Variants in GNA12 observed in about 807,000 individuals in gnomAD.
The protein encoded by GNA12 is guanine nucleotide-binding protein subunit alpha-12.
GNA12 carries 9 observed loss-of-function variants against 26.0 expected under a neutral mutation model. The observed-to-expected ratio is 0.35, with a 90% CI of 0.21 to 0.60. The LOEUF is 0.60. GNA12 is among the 20% of genes least tolerant of loss of function. The pLI is 0.78. For missense variants in GNA12, 405 were observed against 525.8 expected (o/e 0.77, Z 2.25); for synonymous variants, 264 against 219.6 (o/e 1.20, Z -1.79).
intron 1 of GNA12, among the ~76,000 whole-genome samples, chr7:2,807,919 G>C (rs950254773): frequency 6.6e-6 from 1 of 152,172 alleles, no homozygotes. Flanking sequence ...AAACCTGTTC[G>C]CGCAGAAACC....
At chr7:2,797,422 G>T (rs146369353) in intron 1 of GNA12, among the ~76,000 whole-genome samples, 173 of 151,974 alleles carry the variant, frequency 1.1e-3, no homozygotes, top group African/African-American at 4.1e-3. Flanking sequence ...AGGAATTACA[G>T]GTGTGAGCCA....
chr7:2,732,210 C>T (rs969742021), intron 3 of GNA12, among the ~76,000 whole-genome samples: 4 of 152,120 alleles, frequency 2.6e-5, no homozygotes, highest in Non-Finnish European at 5.9e-5. Flanking sequence ...AAGTCTTTAG[C>T]GACACACAGG....
chr7:2,807,748 A>G (rs1792983331), intron 1 of GNA12, among the ~76,000 whole-genome samples: 1 of 152,188 alleles, frequency 6.6e-6, no homozygotes. Flanking sequence ...CAGAAAATAA[A>G]CTCAATGGTA....
chr7:2,733,345 C>T (rs371683008), intron 3 of GNA12, 106 bp downstream of exon 3: 63 of 856,980 alleles, frequency 7.4e-5, no homozygotes, highest in East Asian at 6.8e-4. Context: ...AGAACAAGCT[C>T]GGCCTGTCAG....
intron 2 of GNA12, among the ~76,000 whole-genome samples, chr7:2,783,770 C>T (rs1792293362): frequency 6.6e-6 from 1 of 151,924 alleles, no homozygotes; most frequent in East Asian, 1.9e-4. Context: ...CTGCAACCTG[C>T]GCCTCCTGGA....
rs189288265 is a variant in GNA12 at position 2,774,875 on chromosome 7, T to G, written c.525+20053A>C. Reference sequence around the variant, plus strand: ...AGCCACCTTCTTACCTGGGGTTGGGTTGACTCATGCACAGTGGTTGGCACA... The same window carrying G: ...AGCCACCTTCTTACCTGGGGTTGGGGTGACTCATGCACAGTGGTTGGCACA... On this transcript the variant is annotated intron_variant, in intron 2 of 3. Coordinates refer to ENST00000275364, the MANE Select transcript of GNA12 (RefSeq NM_007353.3). 9.9e-5 allele frequency among the ~76,000 whole-genome samples: 15 copies of G among 152,254 alleles called. No homozygotes were observed. The East Asian group carries it at 1.4e-3, about 14-fold the overall frequency.
chr7:2,791,440 G>A (rs530123428), intron 2 of GNA12, among the ~76,000 whole-genome samples: 1 of 152,320 alleles, frequency 6.6e-6, no homozygotes, highest in Non-Finnish European at 1.5e-5. Context: ...CCTCTCAGAG[G>A]AGAAAGGGTC....
Position 2,731,011 on chromosome 7 carries a change from T to C in GNA12, c.*170A>G. On this transcript the variant is annotated 3_prime_UTR_variant, in exon 4 of 4. Coordinates refer to ENST00000275364, the MANE Select transcript of GNA12 (RefSeq NM_007353.3). The surrounding 1 kb of genome is among the most constrained non-coding windows in gnomAD (Gnocchi z 6.0). The stretch of plus-strand genomic sequence containing the variant: ...AGCTAACGTGACAGTTTCCATGTCC[T>C]TTTGCCTAGAGCTCGCTGGCTGGCT... 1 of 552,662 alleles carries C rather than the reference T, an allele frequency of 1.8e-6. No individual in the cohort carries two copies. 34.2% of individuals were successfully genotyped at this position (552,662 alleles called of 1,614,324 possible).
At chr7:2,831,649 C>T (rs1193916377) in intron 1 of GNA12, among the ~76,000 whole-genome samples, 7 of 151,870 alleles carry the variant, frequency 4.6e-5, no homozygotes, top group Admixed American at 2.0e-4. Flanking sequence ...GTGATCCGCC[C>T]GCCTCAGCCT....
intron 1 of GNA12, among the ~76,000 whole-genome samples, chr7:2,801,959 T>C (rs1043859291): frequency 2.0e-5 from 3 of 152,190 alleles, no homozygotes; most frequent in Non-Finnish European, 4.4e-5. Flanking sequence ...TTACCATTGT[T>C]ATATAGAATT....
intron 2 of GNA12, among the ~76,000 whole-genome samples, chr7:2,742,659 C>T (rs532912973): frequency 5.3e-5 from 8 of 152,290 alleles, no homozygotes; most frequent in South Asian, 2.1e-4. Context: ...TCCCTGTCCC[C>T]GCAAACACCT....
At chr7:2,794,877 C>A in intron 2 of GNA12, 51 bp downstream of exon 2, 1 of 1,279,942 alleles carries the variant, frequency 7.8e-7, no homozygotes, top group South Asian at 1.2e-5. Flanking sequence ...CCAAAATAGT[C>A]ATGTAAAAAA....
At position 2,812,634 on chromosome 7, in the gene GNA12, A is replaced by G. The variant is rs1014649671; in HGVS notation, c.310-17491T>C. 4.0e-5 allele frequency among the ~76,000 whole-genome samples: 6 copies of G among 149,282 alleles called. No individual in the cohort carries two copies. The South Asian group carries it at 1.3e-3, about 32-fold the overall frequency. On this transcript the variant is annotated intron_variant, in intron 1 of 3. Transcript: ENST00000275364. ...ACAAGAGTGAAACTCCATCTCAAAA[A>G]TAACATCACATCACATCACATCACA...
chr7:2,763,191 AACACACACACACACACACACACAC>A (rs56384682), intron 2 of GNA12: 5 of 222,644 alleles, frequency 2.2e-5, no homozygotes, highest in Non-Finnish European at 3.8e-5. Context: ...AAGACACCCC[AACACACACACACACACACACACAC>A]ACACACACAC....
At position 2,834,537 on chromosome 7, in the gene GNA12, G is replaced by A. The variant is rs560280730; in HGVS notation, c.309+9316C>T. 1.2e-4 allele frequency among the ~76,000 whole-genome samples: 19 copies of A among 152,352 alleles called. No homozygotes were observed. The South Asian group carries it at 3.7e-3, about 30-fold the overall frequency. ...TCAGCACCTAGCACAATGCCGTGGA[G>A]ATTTTGTTGAACTTGATCTTTTTGT... On this transcript the variant is annotated intron_variant, in intron 1 of 3. Coordinates refer to ENST00000275364, the MANE Select transcript of GNA12 (RefSeq NM_007353.3).
At chr7:2,752,989 A>C (rs985299820) in intron 2 of GNA12, among the ~76,000 whole-genome samples, 1 of 152,188 alleles carries the variant, frequency 6.6e-6, no homozygotes, top group African/African-American at 2.4e-5. Context: ...CCCTCGTGCT[A>C]CCAATTTATA....
intron 1 of GNA12, among the ~76,000 whole-genome samples, chr7:2,806,186 G>C (rs1229280748): frequency 6.6e-6 from 1 of 152,154 alleles, no homozygotes; most frequent in African/African-American, 2.4e-5. Context: ...ATATCTAAAA[G>C]AATTTGTCTT....
At chr7:2,761,112 C>CGGCTGTGG in intron 2 of GNA12, among the ~76,000 whole-genome samples, 1 of 152,216 alleles carries the variant, frequency 6.6e-6, no homozygotes, top group Non-Finnish European at 1.5e-5. Flanking sequence ...GTCTGGCTCT[C>CGGCTGTGG]GGCTGTGGGG....
intron 1 of GNA12, among the ~76,000 whole-genome samples, chr7:2,812,539 G>T (rs1045687691): frequency 6.6e-6 from 1 of 152,196 alleles, no homozygotes; most frequent in Admixed American, 6.5e-5. Flanking sequence ...TGAGGTGGGA[G>T]AATCACTTAA....
Sources: gnomAD v4.1 joint callset for allele counts (sites outside exome capture counted in the v4.1 genomes callset) on GRCh38, gnomAD v4.1.1 for gene constraint, Gnocchi (gnomAD v3.1) non-coding constraint, MANE v1.5 for transcripts, NCBI Gene and HGNC (gene_info 2026-07-23, HGNC 2026-07-21) for gene names.